Variants in NEURL3 observed in about 807,000 individuals in gnomAD.
The protein encoded by NEURL3 is neuralized E3 ubiquitin protein ligase 3.
NEURL3 carries 19 observed loss-of-function variants against 17.6 expected under a neutral mutation model. The observed-to-expected ratio is 1.08, with a 90% CI of 0.75 to 1.58. The LOEUF is 1.58. Among genes scored for constraint, NEURL3 ranks in the 40% most tolerant of loss-of-function variants. The pLI is 0.00. For missense variants in NEURL3, 342 were observed against 379.6 expected, an observed-to-expected ratio of 0.90 and a Z score of 0.82; for synonymous variants, 180 against 161.4, an observed-to-expected ratio of 1.11 and a Z score of -0.87.
upstream of NEURL3, among the ~76,000 whole-genome samples, chr2:96,506,635 G>A (rs1473146533): frequency 6.6e-6 from 1 of 152,276 alleles, no homozygotes; most frequent in Non-Finnish European, 1.5e-5. Context: ...GCTCGGCTAA[G>A]GGATGGCTAG....
At chr2:96,505,820 T>C (rs1456528694), upstream of NEURL3, among the ~76,000 whole-genome samples, 1 of 152,214 alleles carries the variant, frequency 6.6e-6, no homozygotes. Flanking sequence ...GCATTTGCTG[T>C]ATCCCAGGAC....
chr2:96,503,171 G>A (rs749963405), intron 1 of NEURL3, among the ~76,000 whole-genome samples: 12 of 152,180 alleles, frequency 7.9e-5, no homozygotes, highest in Non-Finnish European at 1.3e-4. Flanking sequence ...GGAACTGGCT[G>A]GCTGGAGGCA....
At chr2:96,507,261 A>G (rs112886119), upstream of NEURL3, among the ~76,000 whole-genome samples, 10 of 152,174 alleles carry the variant, frequency 6.6e-5, no homozygotes, top group African/African-American at 2.2e-4. Context: ...AAACCAACGC[A>G]TAAAAATACA....
Position 96,500,825 on chromosome 2 carries a change from G to C in NEURL3, c.128C>G (p.Thr43Arg). 1 of 1,529,132 alleles carries C rather than the reference G, an allele frequency of 6.5e-7. No homozygotes were observed. The highest frequency in any genetic ancestry group is 8.7e-7 in the Non-Finnish European group (1 of 1,143,552). The allele number at this position is 1,529,132 out of a possible 1,614,324, so 94.7% of individuals were successfully genotyped here. The change falls in exon 2 of 4, where the codon ACG (threonine) becomes AGG (arginine). Residue 43 changes from threonine (T) to arginine (R), a missense_variant. Physicochemically the swap from Thr to Arg is moderately conservative, Grantham distance 71. Coordinates refer to ENST00000451794, the MANE Select transcript of NEURL3 (RefSeq NM_001285485.2). Reference sequence around the variant, plus strand: ...GCTGAACACGATGCCGTCGTGGAACGTGGTGCGCCTGTGCGCGATGCAGCC... The same window carrying C: ...GCTGAACACGATGCCGTCGTGGAACCTGGTGCGCCTGTGCGCGATGCAGCC... The part of the protein sequence containing the change: ...TRGCIAHRRT[T>R]FHDGIVFSQR...
intron 1 of NEURL3, among the ~76,000 whole-genome samples, chr2:96,503,354 C>T (rs1048485538): frequency 9.9e-5 from 15 of 152,162 alleles, no homozygotes; most frequent in African/African-American, 3.6e-4. Flanking sequence ...CCTCATGTCA[C>T]CAGGGCTGGT....
upstream of NEURL3, among the ~76,000 whole-genome samples, chr2:96,506,921 A>G (rs1202433922): frequency 6.6e-6 from 1 of 152,170 alleles, no homozygotes; most frequent in Non-Finnish European, 1.5e-5. Flanking sequence ...CTGAGGAGCT[A>G]AAAAACCTGC....
At chr2:96,499,182 T>C in intron 3 of NEURL3, 196 bp downstream of exon 3, 1 of 1,399,376 alleles carries the variant, frequency 7.1e-7, no homozygotes, top group South Asian at 1.7e-5. Context: ...AGTGCTCTTA[T>C]AACTCACAGA....
Position 96,500,524 on chromosome 2 carries a change from G to A in NEURL3, c.429C>T (p.Leu143=). ...CGACGGGCACGCCCTCACGCAGCAG[G>A]AGCCGGCAGCCGGCGTTGACCTTGG... ...LFAKVNAGCR[L]LLREGVPVGA... is the part of the protein sequence containing the mutation. The change falls in exon 2 of 4, where the codon CTC becomes CTT. Residue 143 remains leucine, a synonymous_variant. Coordinates refer to ENST00000451794, the MANE Select transcript of NEURL3 (RefSeq NM_001285485.2). 3.8e-6 allele frequency: 6 copies of A among 1,583,564 alleles called. No individual in the cohort carries two copies. The South Asian group carries it at 4.5e-5, about 12-fold the overall frequency.
At chr2:96,503,783 C>A (rs2065533747) in intron 1 of NEURL3, among the ~76,000 whole-genome samples, 1 of 152,192 alleles carries the variant, frequency 6.6e-6, no homozygotes, top group Non-Finnish European at 1.5e-5. Flanking sequence ...ACCCAGGCAG[C>A]CCGGGACACC....
chr2:96,499,277 G>C, intron 3 of NEURL3, 101 bp downstream of exon 3: 1 of 1,529,680 alleles, frequency 6.5e-7, no homozygotes, highest in Non-Finnish European at 8.8e-7. Flanking sequence ...CCCAAAGCCT[G>C]TGAGAGACTT....
chr2:96,501,094 A>G, intron 1 of NEURL3, 170 bp from the exon 2 acceptor site: 1 of 336,346 alleles, frequency 3.0e-6, no homozygotes, highest in Non-Finnish European at 4.2e-6. Flanking sequence ...AAACTATAGG[A>G]ACTGATGTCT....
Position 96,500,780 on chromosome 2 carries a change from C to G in NEURL3, c.173G>C (p.Gly58Ala). Reference protein sequence around the residue: ...IVFSQRPVRLGERVALRVLRE... With the variant: ...IVFSQRPVRLAERVALRVLRE... ...CAGCACTCGCAGCGCCACACGCTCGCCCAGGCGCACCGGCCGCTGGCTGAA... is the reference window on the plus strand; with the variant it reads ...CAGCACTCGCAGCGCCACACGCTCGGCCAGGCGCACCGGCCGCTGGCTGAA... Residue 58 changes from glycine to alanine, a missense_variant, in exon 2 of 4, where the codon GGC (glycine) becomes GCC (alanine). Transcript: ENST00000451794. 3 of 1,526,440 alleles carry G rather than the reference C, an allele frequency of 2.0e-6. No homozygotes were observed. The highest frequency in any genetic ancestry group is 5.0e-5 in the East Asian group (2 of 40,370). The allele number at this position is 1,526,440 out of a possible 1,614,324, so 94.6% of individuals were successfully genotyped here.
Position 96,498,328 on chromosome 2 carries a change from G to C in NEURL3, c.705C>G (p.Ala235=), listed in dbSNP as rs1053094283. ...YCAWRVFSDT[A]KCPVCRWQIE... ...TCTGCCAGCGGCACACAGGGCACTTGGCCGTATCGCTGAAGACCCGCCAGG... is the reference window on the plus strand; with the variant it reads ...TCTGCCAGCGGCACACAGGGCACTTCGCCGTATCGCTGAAGACCCGCCAGG... Residue 235 remains alanine, a synonymous_variant, in exon 4 of 4, where the codon GCC becomes GCG. Transcript: ENST00000451794. This position sits in a 1 kb window ranked among gnomAD's most constrained non-coding sequence, Gnocchi z 4.4. 2 of 1,598,288 alleles carry C rather than the reference G, an allele frequency of 1.3e-6. No homozygotes were observed. The highest frequency in any genetic ancestry group is 2.7e-5 in the African/African-American group (2 of 75,058).
In NEURL3 at chr2:96,500,647, C is replaced by T; in HGVS notation, c.306G>A (p.Glu102=). 1 of 1,519,460 alleles carries T rather than the reference C, an allele frequency of 6.6e-7. No homozygotes were observed. Among genetic ancestry groups the T allele is most frequent in the Non-Finnish European group, 8.8e-7 (1 of 1,140,426 alleles). 94.1% of individuals were successfully genotyped at this position (1,519,460 alleles called of 1,614,324 possible). The change falls in exon 2 of 4, where the codon GAG becomes GAA. Residue 102 remains glutamate (E), a synonymous_variant. Coordinates refer to ENST00000451794, the MANE Select transcript of NEURL3 (RefSeq NM_001285485.2). ...SLPPFLCPDL[E]EQSPTWAAVL... ...CGGCCGCCCACGTCGGGCTCTGCTC[C>T]TCCAGGTCGGGGCACAGGAAGGGCG... is the stretch of plus-strand genomic sequence containing the variant.
At position 96,498,750 on chromosome 2, in the gene NEURL3, CTT is replaced by C. The variant is rs33928971; in HGVS notation, c.587-306_587-305del. Among the ~76,000 whole-genome samples, 3 of 151,424 alleles carry C rather than the reference CTT, an allele frequency of 2.0e-5. No individual in the cohort carries two copies. Among genetic ancestry groups the C allele is most frequent in the Admixed American group, 2.0e-4 (3 of 15,186 alleles). ...AAATCCACCCAAGAGGTAATGGGTG[CTT>C]TTTTTTTAACTTTCCTCTTTATCCT... On this transcript the variant is annotated intron_variant, in intron 3 of 3. Coordinates refer to ENST00000451794, the MANE Select transcript of NEURL3 (RefSeq NM_001285485.2). The surrounding 1 kb of genome is among the most constrained non-coding windows in gnomAD (Gnocchi z 4.4).
upstream of NEURL3, among the ~76,000 whole-genome samples, chr2:96,506,876 G>A (rs965204448): frequency 4.6e-5 from 7 of 152,156 alleles, no homozygotes; most frequent in Admixed American, 6.5e-5. Context: ...TGGGACCTTG[G>A]GCCATGAGGC....
upstream of NEURL3, among the ~76,000 whole-genome samples, chr2:96,507,466 T>C (rs1415082461): frequency 6.6e-6 from 1 of 152,154 alleles, no homozygotes; most frequent in Non-Finnish European, 1.5e-5. Context: ...GTTTTTGTTG[T>C]TGTTGTTGTT....
upstream of NEURL3, among the ~76,000 whole-genome samples, chr2:96,507,533 C>G (rs1410136991): frequency 6.6e-6 from 1 of 152,134 alleles, no homozygotes; most frequent in Non-Finnish European, 1.5e-5. Context: ...GGCACGATCT[C>G]GGCTCACTGC....
intron 1 of NEURL3, among the ~76,000 whole-genome samples, chr2:96,504,280 C>CG (rs11440689): frequency 1 from 152,273 of 152,300 alleles, 76,123 homozygotes; most frequent in Middle Eastern, 1. Context: ...CATCCCGCCT[C>CG]GGGGAAGCCC....
Sources: allele counts gnomAD v4.1 joint callset (sites outside exome capture counted in the v4.1 genomes callset), GRCh38; gene constraint gnomAD v4.1.1; non-coding constraint Gnocchi (gnomAD v3.1); transcripts MANE v1.5; gene names NCBI Gene and HGNC (gene_info 2026-07-23, HGNC 2026-07-21).